The following RAB33A variants were observed in gnomAD, a reference collection of about 807,000 sequenced individuals.
The protein encoded by RAB33A is ras-related protein Rab-33A.
Under a neutral mutation model 12.0 loss-of-function variants are expected in RAB33A, and 6 were observed. The observed-to-expected ratio is 0.50, with a 90% confidence interval of 0.27 to 0.99. RAB33A has a LOEUF of 0.99. Ranked by LOEUF, RAB33A falls within the 50% of genes least tolerant of loss-of-function variation. The pLI is 0.11. For missense variants in RAB33A, 109 were observed against 192.0 expected (o/e 0.57, Z 2.55); for synonymous variants, 70 against 82.4 (o/e 0.85, Z 0.81).
the RAB33A span, chrX:130,129,948 A>T: frequency 9.1e-6 from 11 of 1,207,046 alleles, no homozygotes; most frequent in East Asian, 3.0e-4. Flanking sequence ...ATCTTCCTCT[A>T]AGAGTTATGA....
the RAB33A span, among the ~76,000 whole-genome samples, chrX:130,158,125 G>A: frequency 1.8e-5 from 2 of 108,387 alleles, no homozygotes; most frequent in African/African-American, 3.4e-5. Context: ...TTAGCCGGGC[G>A]TGGTGGCTTA....
chrX:130,161,064 G>A, the RAB33A span, among the ~76,000 whole-genome samples: 1 of 111,174 alleles, frequency 9.0e-6, no homozygotes, highest in Non-Finnish European at 1.9e-5. Context: ...CATTTCTGTA[G>A]GTTTTGTGAT....
chrX:130,112,269 T>G, the RAB33A span, among the ~76,000 whole-genome samples: 1 of 112,178 alleles, frequency 8.9e-6, no homozygotes, highest in African/African-American at 3.2e-5. Flanking sequence ...TCCCAGGGGA[T>G]TCCAGATCCT....
chrX:130,112,895 T>A, the RAB33A span, among the ~76,000 whole-genome samples: 14 of 109,071 alleles, frequency 1.3e-4, no homozygotes, highest in African/African-American at 4.7e-4. Flanking sequence ...ATAAATTAAT[T>A]TTTTTATTTT....
the RAB33A span, chrX:130,133,590 T>A: frequency 1.2e-6 from 1 of 859,399 alleles, no homozygotes; most frequent in Non-Finnish European, 1.6e-6. Flanking sequence ...CAGGCCAGAG[T>A]TGTACTTAAA....
At chrX:130,153,995 A>G in the RAB33A span, among the ~76,000 whole-genome samples, 2 of 112,571 alleles carry the variant, frequency 1.8e-5, no homozygotes, top group African/African-American at 6.5e-5. Flanking sequence ...TCTTGAGACT[A>G]ATACCAATTT....
the RAB33A span, among the ~76,000 whole-genome samples, chrX:130,144,175 C>T: frequency 9.0e-6 from 1 of 111,256 alleles, no homozygotes; most frequent in African/African-American, 3.3e-5. Context: ...CTTTCTTCTT[C>T]TTCTTCATCA....
the RAB33A span, chrX:130,156,657 C>A: frequency 8.8e-7 from 1 of 1,139,719 alleles, no homozygotes; most frequent in Non-Finnish European, 1.2e-6. Flanking sequence ...ATAGTTAATA[C>A]ATATTTATGA....
the RAB33A span, among the ~76,000 whole-genome samples, chrX:130,117,378 T>C: frequency 2.7e-5 from 3 of 112,141 alleles, no homozygotes; most frequent in South Asian, 1.1e-3. Flanking sequence ...CAGGAGGCGC[T>C]GCTGGCTGTG....
the RAB33A span, among the ~76,000 whole-genome samples, chrX:130,132,368 G>A: frequency 3.6e-5 from 4 of 112,129 alleles, no homozygotes; most frequent in African/African-American, 6.5e-5. Context: ...GAATTTATTC[G>A]TGCTTTTATC....
chrX:130,138,537 C>T, the RAB33A span: 2 of 841,626 alleles, frequency 2.4e-6, no homozygotes, highest in African/African-American at 2.0e-5. Context: ...CTGGGATTCA[C>T]AGAAAAGCTA....
chrX:130,170,170 C>T (rs1389144108), upstream of RAB33A, among the ~76,000 whole-genome samples: 1 of 112,740 alleles, frequency 8.9e-6, no homozygotes, highest in Non-Finnish European at 1.9e-5. Context: ...GTAAATATAT[C>T]TGCTAGCTCA....
chrX:130,121,041 C>T, the RAB33A span, among the ~76,000 whole-genome samples: 2 of 112,315 alleles, frequency 1.8e-5, no homozygotes, highest in African/African-American at 6.5e-5. Context: ...AGCCTTGTCC[C>T]GCGCCCTGCC....
At chrX:130,133,761 G>A in the RAB33A span, among the ~76,000 whole-genome samples, 16 of 109,444 alleles carry the variant, frequency 1.5e-4, no homozygotes, top group Admixed American at 6.9e-4. Context: ...CCAAGTAGCT[G>A]GGACTACAGG....
At chrX:130,118,523 A>G in the RAB33A span, among the ~76,000 whole-genome samples, 1 of 112,849 alleles carries the variant, frequency 8.9e-6, no homozygotes, top group African/African-American at 3.2e-5. Context: ...CCCTGCCCCC[A>G]CATCGGGGTT....
the RAB33A span, chrX:130,140,470 G>A: frequency 2.1e-6 from 2 of 961,390 alleles, no homozygotes; most frequent in African/African-American, 1.9e-5. Flanking sequence ...CCATAGAGAA[G>A]GCTGGACTCT....
chrX:130,121,564 G>A, the RAB33A span, among the ~76,000 whole-genome samples: 1 of 112,247 alleles, frequency 8.9e-6, no homozygotes, highest in Non-Finnish European at 1.9e-5. Flanking sequence ...CTCCCGTCCC[G>A]ACAGGCGAAC....
chrX:130,112,692 C>A, the RAB33A span, among the ~76,000 whole-genome samples: 13 of 110,466 alleles, frequency 1.2e-4, no homozygotes, highest in Admixed American at 1.3e-3. Context: ...CATGGTGAAA[C>A]CCCATCTCTA....
intron 1 of RAB33A, 123 bp downstream of exon 1, chrX:130,172,443 G>A (rs1215460146): frequency 2.2e-6 from 2 of 921,351 alleles, no homozygotes; most frequent in African/African-American, 2.0e-5. Context: ...TTGCTGAGCC[G>A]AGGACCCTCG....
Sources: gnomAD v4.1 joint callset for allele counts (sites outside exome capture counted in the v4.1 genomes callset) on GRCh38, gnomAD v4.1.1 for gene constraint, MANE v1.5 for transcripts, NCBI Gene and HGNC (gene_info 2026-07-23, HGNC 2026-07-21) for gene names.